The following CFAP61 variants were observed in gnomAD, a reference collection of about 807,000 sequenced individuals.
The protein encoded by CFAP61 is cilia and flagella associated protein 61, also known as cilia- and flagella-associated protein 61.
In CFAP61, 107 loss-of-function variants were observed where a neutral mutation model predicts 135.6. That is an observed-to-expected ratio of 0.79 (90% CI 0.67 to 0.93). The LOEUF is 0.93. Among genes scored for constraint, CFAP61 ranks in the 40% least tolerant of loss-of-function variants. The pLI is 0.00. For missense variants in CFAP61, 1,507 were observed against 1,556.2 expected (o/e 0.97, Z 0.53); for synonymous variants, 575 against 578.5 (o/e 0.99, Z 0.09).
rs1197518549 is a variant in CFAP61 at position 20,308,523 on chromosome 20, C to T, written c.3422+10137C>T. 2.0e-5 allele frequency among the ~76,000 whole-genome samples: 3 copies of T among 152,216 alleles called. No homozygotes were observed. In the East Asian group the frequency reaches 5.8e-4, roughly 29 times the overall value. ...TGGGGCACTTGGTCACTCTGCAGGC[C>T]TTGCAAGGGACACTCGGCCTTGCTG... On this transcript the variant is annotated intron_variant, in intron 25 of 26. Transcript: ENST00000245957.
intron 26 of CFAP61, among the ~76,000 whole-genome samples, chr20:20,355,738 G>A (rs552032659): frequency 8.2e-5 from 12 of 146,704 alleles, no homozygotes; most frequent in African/African-American, 2.8e-4. Context: ...ACACTGAGGG[G>A]AGGTAGTGAC....
chr20:20,107,018 G>A (rs2048457733), intron 8 of CFAP61, among the ~76,000 whole-genome samples: 1 of 152,176 alleles, frequency 6.6e-6, no homozygotes, highest in Non-Finnish European at 1.5e-5. Context: ...GTTTGATCCT[G>A]CTGACTTTTC....
intron 3 of CFAP61, among the ~76,000 whole-genome samples, chr20:20,073,623 G>A (rs747685471): frequency 7.3e-5 from 11 of 151,540 alleles, no homozygotes; most frequent in Non-Finnish European, 1.3e-4. Context: ...CCAATGTGTG[G>A]ATGTTTGAAC....
chr20:20,177,417 G>A (rs1176381983), intron 13 of CFAP61, among the ~76,000 whole-genome samples: 2 of 152,004 alleles, frequency 1.3e-5, no homozygotes, highest in African/African-American at 2.4e-5. Flanking sequence ...GTATCTCCAG[G>A]GTCTTGGTTT....
chr20:20,156,364 A>G (rs1304597314), intron 9 of CFAP61, among the ~76,000 whole-genome samples: 1 of 152,166 alleles, frequency 6.6e-6, no homozygotes, highest in African/African-American at 2.4e-5. Flanking sequence ...AATTCCTCAT[A>G]AAGACTCTTA....
chr20:20,155,034 G>A (rs2146785201), intron 9 of CFAP61, among the ~76,000 whole-genome samples: 1 of 152,188 alleles, frequency 6.6e-6, no homozygotes, highest in South Asian at 2.1e-4. Context: ...GTACTATAAG[G>A]CTATAGTTAC....
At chr20:20,224,054 G>T (rs1456895619) in intron 17 of CFAP61, among the ~76,000 whole-genome samples, 1 of 152,130 alleles carries the variant, frequency 6.6e-6, no homozygotes, top group Non-Finnish European at 1.5e-5. Context: ...AAAATGCATG[G>T]CAGAAATTGT....
At chr20:20,121,102 A>ATTTTT (rs2049584779) in intron 8 of CFAP61, among the ~76,000 whole-genome samples, 1 of 106,446 alleles carries the variant, frequency 9.4e-6, no homozygotes, top group Admixed American at 9.5e-5. Flanking sequence ...TTTTATTTTT[A>ATTTTT]CTTTTTTTTT....
intron 17 of CFAP61, among the ~76,000 whole-genome samples, chr20:20,227,530 C>T (rs768121803): frequency 6.6e-6 from 1 of 152,212 alleles, no homozygotes; most frequent in South Asian, 2.1e-4. Flanking sequence ...ATTTAATGTA[C>T]CCCTTGCAGC....
At chr20:20,339,456 T>C (rs1207100065) in intron 25 of CFAP61, among the ~76,000 whole-genome samples, 1 of 151,928 alleles carries the variant, frequency 6.6e-6, no homozygotes, top group Non-Finnish European at 1.5e-5. Flanking sequence ...TCTAAAACTT[T>C]TATTTTTATT....
chr20:20,176,331 G>A (rs2054622908), intron 13 of CFAP61, among the ~76,000 whole-genome samples: 1 of 152,108 alleles, frequency 6.6e-6, no homozygotes, highest in Non-Finnish European at 1.5e-5. Context: ...GATACCATTT[G>A]ACCCAGCAAT....
At chr20:20,059,535 T>C (rs1821703423) in intron 2 of CFAP61, among the ~76,000 whole-genome samples, 1 of 151,718 alleles carries the variant, frequency 6.6e-6, no homozygotes, top group Non-Finnish European at 1.5e-5. Context: ...GGAGAATCGC[T>C]TGAACCTGGG....
intron 15 of CFAP61, among the ~76,000 whole-genome samples, chr20:20,192,134 A>G (rs947196003): frequency 6.6e-6 from 1 of 152,102 alleles, no homozygotes; most frequent in Non-Finnish European, 1.5e-5. Flanking sequence ...CGTGGATTCT[A>G]TAGAACAATT....
rs376340465 is a variant in CFAP61 at position 20,056,009 on chromosome 20, C to T, written c.-36-609C>T. ...GGAACGTTAGGTTCTCCACTGTTGC[C>T]GTCATTAGAGATTCTCTTCCCAAAG... On this transcript the variant is annotated intron_variant, in intron 1 of 26. Coordinates refer to ENST00000245957, the MANE Select transcript of CFAP61 (RefSeq NM_015585.4). 104 of 1,606,572 alleles carry T rather than the reference C, an allele frequency of 6.5e-5. No homozygotes were observed. The South Asian group carries it at 7.0e-4, about 11-fold the overall frequency.
intron 8 of CFAP61, among the ~76,000 whole-genome samples, chr20:20,115,381 A>G (rs2049068532): frequency 1.3e-5 from 2 of 151,570 alleles, no homozygotes; most frequent in Non-Finnish European, 2.9e-5. Context: ...TAAAGATCAA[A>G]TCAGTGTAAT....
At chr20:20,124,567 C>G (rs2049928874) in intron 8 of CFAP61, among the ~76,000 whole-genome samples, 1 of 151,804 alleles carries the variant, frequency 6.6e-6, no homozygotes, top group South Asian at 2.1e-4. Flanking sequence ...GATAAGCCAT[C>G]CCTGCATCCC....
chr20:20,127,090 A>G lies in CFAP61; in HGVS notation c.860-15767A>G, dbSNP rs1025070850. ...TGTTTTATTGTTTTTTCTTTATGTT[A>G]TCTATTTCCTTGAATATTTCTCCCT... On this transcript the variant is annotated intron_variant, in intron 8 of 26. Coordinates refer to ENST00000245957, the MANE Select transcript of CFAP61 (RefSeq NM_015585.4). Among the ~76,000 whole-genome samples, 9 of 151,384 alleles carry G rather than the reference A, an allele frequency of 5.9e-5. No individual in the cohort carries two copies. In the South Asian group the frequency reaches 1.0e-3, roughly 17 times the overall value.
At chr20:20,086,924 G>T (rs2046851367) in intron 6 of CFAP61, among the ~76,000 whole-genome samples, 1 of 152,136 alleles carries the variant, frequency 6.6e-6, no homozygotes, top group South Asian at 2.1e-4. Context: ...ATGAGCTTTG[G>T]AGGATGCTGG....
At chr20:20,147,217 T>C (rs1300760594) in intron 9 of CFAP61, among the ~76,000 whole-genome samples, 2 of 152,234 alleles carry the variant, frequency 1.3e-5, no homozygotes, top group Non-Finnish European at 2.9e-5. Flanking sequence ...TGCATGTGCA[T>C]GTGTCTTTTT....
Sources: gnomAD v4.1 joint callset for allele counts (sites outside exome capture counted in the v4.1 genomes callset) on GRCh38, gnomAD v4.1.1 for gene constraint, MANE v1.5 for transcripts, NCBI Gene and HGNC (gene_info 2026-07-23, HGNC 2026-07-21) for gene names.